Variants in RNF170 observed in about 807,000 individuals in gnomAD.
RNF170 encodes E3 ubiquitin-protein ligase RNF170.
A neutral mutation model predicts 32.7 loss-of-function variants in RNF170; 12 were observed. That is an observed-to-expected ratio of 0.37 (90% CI 0.24 to 0.60). RNF170 has a LOEUF of 0.60. Among genes scored for constraint, RNF170 ranks in the 20% least tolerant of loss-of-function variants. The pLI is 0.72. For missense variants in RNF170, 212 were observed against 311.2 expected (o/e 0.68, Z 2.40); for synonymous variants, 91 against 103.6 (o/e 0.88, Z 0.74).
chr8:42,874,470 G>T (rs1268258849), intron 2 of RNF170, among the ~76,000 whole-genome samples: 1 of 152,198 alleles, frequency 6.6e-6, no homozygotes, highest in Non-Finnish European at 1.5e-5. Context: ...GCCGAGTGTG[G>T]TGGCTCATGC....
In RNF170 at chr8:42,855,856, G is replaced by C; in HGVS notation, c.*303C>G. The C allele has an allele frequency of 8.3e-7, 1 of 1,201,916 alleles. No homozygotes were observed. The highest frequency in any genetic ancestry group is 1.1e-6 in the Non-Finnish European group (1 of 928,170). 74.5% of individuals were successfully genotyped at this position (1,201,916 alleles called of 1,614,324 possible). On this transcript the variant is annotated 3_prime_UTR_variant, in exon 7 of 7. Transcript: ENST00000527424. ...CATCTAATTAATCTAAGTAATTCTG[G>C]GGAAAAGAAAAATATATAAAAGCAT...
At chr8:42,876,682 C>CA (rs2128940674) in intron 2 of RNF170, among the ~76,000 whole-genome samples, 1 of 121,202 alleles carries the variant, frequency 8.3e-6, no homozygotes, top group Non-Finnish European at 1.6e-5. Flanking sequence ...TTTTTTGAGA[C>CA]AGAGTCTTGC....
intron 1 of RNF170, among the ~76,000 whole-genome samples, chr8:42,894,916 G>C (rs1806640117): frequency 6.6e-6 from 1 of 151,824 alleles, no homozygotes; most frequent in African/African-American, 2.4e-5. Flanking sequence ...TTGAAAAAAA[G>C]ACCATTGAGA....
Position 42,853,539 on chromosome 8 carries a change from C to T in RNF170, c.*2620G>A. On this transcript the variant is annotated 3_prime_UTR_variant, in exon 7 of 7. Coordinates refer to ENST00000527424, the MANE Select transcript of RNF170 (RefSeq NM_030954.4). ...ACAGTTGTTTTCCCCGTCTTGTTCC[C>T]CACAGAGCTGCCCAAGTTATTATCT... The T allele has an allele frequency of 7.8e-7, 1 of 1,287,168 alleles. No individual in the cohort carries two copies. Among genetic ancestry groups the T allele is most frequent in the Non-Finnish European group, 1.0e-6 (1 of 988,690 alleles). 79.7% of individuals were successfully genotyped at this position (1,287,168 alleles called of 1,614,324 possible).
intron 1 of RNF170, among the ~76,000 whole-genome samples, chr8:42,893,097 A>G (rs1275629474): frequency 1.3e-5 from 2 of 152,306 alleles, no homozygotes; most frequent in Non-Finnish European, 1.5e-5. Flanking sequence ...TTAAAAATAC[A>G]TTTTTAAAGA....
At chr8:42,894,243 A>G (rs189762020) in intron 1 of RNF170, among the ~76,000 whole-genome samples, 2 of 152,228 alleles carry the variant, frequency 1.3e-5, no homozygotes, top group Non-Finnish European at 2.9e-5. Context: ...GCCAAGCTTG[A>G]AAAAGGAGAC....
In RNF170 at chr8:42,870,021, C is replaced by T. The variant is rs756627330; in HGVS notation, c.305G>A (p.Cys102Tyr). Residue 102 changes from cysteine (C) to tyrosine (Y), a missense_variant, in exon 4 of 7, where the codon TGT becomes TAT. By Grantham distance (194) the Cys-to-Tyr change is radical. Transcript: ENST00000527424. ...TTGCTTACCACAAAAAAGATGTCCA[C>T]AGTTGGTCTCCACCGGGAAGGAGGC... ...HQASFPVETN[C>Y]GHLFCGACII... The T allele has an allele frequency of 6.2e-7, 1 of 1,613,632 alleles. No homozygotes were observed. Among genetic ancestry groups the T allele is most frequent in the South Asian group, 1.1e-5 (1 of 91,076 alleles).
downstream of RNF170, among the ~76,000 whole-genome samples, chr8:42,851,581 G>A (rs1421028395): frequency 8.8e-5 from 13 of 147,320 alleles, no homozygotes; most frequent in Admixed American, 5.4e-4. Context: ...AAAAAAAAAA[G>A]AAAGAAAAAG....
intron 6 of RNF170, among the ~76,000 whole-genome samples, chr8:42,861,104 G>T (rs753029655): frequency 1.3e-5 from 2 of 152,218 alleles, no homozygotes; most frequent in Non-Finnish European, 2.9e-5. Flanking sequence ...GTTTTCAGTT[G>T]TAACTTTTCT....
intron 1 of RNF170, among the ~76,000 whole-genome samples, chr8:42,895,400 G>A (rs1806708509): frequency 6.6e-6 from 1 of 152,136 alleles, no homozygotes; most frequent in Admixed American, 6.5e-5. Context: ...GAAAAAAAGT[G>A]GGGGAAAGGG....
intron 2 of RNF170, among the ~76,000 whole-genome samples, chr8:42,880,358 G>GT (rs371746956): frequency 6.6e-6 from 1 of 152,334 alleles, no homozygotes; most frequent in African/African-American, 2.4e-5. Flanking sequence ...ACTGACTCCA[G>GT]TTTTGAAAAG....
chr8:42,865,455 T>C lies in RNF170; in HGVS notation c.357A>G (p.Ser119=). ...ACIIAYWRYG[S]WLGAISCPIC... ...TTGGACAACTGATTGCCCCAAGCCA[T>C]GAACCATATCGCCAGTAAGCAATAA... The change falls in exon 5 of 7, where the codon TCA becomes TCG. Residue 119 remains serine, a synonymous_variant. Coordinates refer to ENST00000527424, the MANE Select transcript of RNF170 (RefSeq NM_030954.4). The C allele has an allele frequency of 6.2e-7, 1 of 1,613,836 alleles. No individual in the cohort carries two copies. The highest frequency in any genetic ancestry group is 8.5e-7 in the Non-Finnish European group (1 of 1,179,870).
At chr8:42,871,838 C>T (rs199805694) in intron 3 of RNF170, among the ~76,000 whole-genome samples, 40 of 152,098 alleles carry the variant, frequency 2.6e-4, no homozygotes, top group Non-Finnish European at 1.5e-4. Flanking sequence ...GGATTACAGG[C>T]GTGAGCCACT....
intron 6 of RNF170, among the ~76,000 whole-genome samples, chr8:42,859,325 G>C (rs76928366): frequency 6.6e-6 from 1 of 152,038 alleles, no homozygotes; most frequent in South Asian, 2.1e-4. Flanking sequence ...CCAGCACAAT[G>C]TCTACAGTGA....
Position 42,856,328 on chromosome 8 carries a change from A to G in RNF170, c.608T>C (p.Ile203Thr). The G allele has an allele frequency of 6.3e-7, 1 of 1,592,326 alleles. No individual in the cohort carries two copies. Among genetic ancestry groups the G allele is most frequent in the South Asian group, 1.2e-5 (1 of 86,166 alleles). The change falls in exon 7 of 7, where the codon ATA becomes ACA. Residue 203 changes from isoleucine to threonine, a missense_variant. Ile to Thr is a moderately conservative substitution (Grantham distance 89). This residue lies in a region of RNF170 where 97 missense variants were observed against 178.9 expected (regional missense o/e 0.54). Transcript: ENST00000527424. ...GLFWMFRIRI[I>T]LCLMGAFFYL... ...GAAAAAAGCTCCCATTAAACAAAGT[A>G]TTATCCTGATGCGAAACATCCAGAA...
chr8:42,888,786 C>A (rs1198105552), intron 1 of RNF170, among the ~76,000 whole-genome samples: 1 of 141,898 alleles, frequency 7.0e-6, no homozygotes, highest in South Asian at 2.3e-4. Context: ...CACCCCCCAA[C>A]CAAAAACAAT....
chr8:42,856,963 A>G (rs145377913), intron 6 of RNF170, among the ~76,000 whole-genome samples: 2 of 152,356 alleles, frequency 1.3e-5, no homozygotes, highest in East Asian at 3.9e-4. Context: ...AAAAATAACT[A>G]AAAGAGATAC....
intron 2 of RNF170, among the ~76,000 whole-genome samples, chr8:42,885,646 A>AT (rs1448702304): frequency 1.3e-5 from 2 of 152,084 alleles, no homozygotes; most frequent in Non-Finnish European, 2.9e-5. Context: ...TGTGGTTTTA[A>AT]TTTGCATTTC....
intron 2 of RNF170, among the ~76,000 whole-genome samples, chr8:42,877,593 C>T (rs2086676536): frequency 6.6e-6 from 1 of 152,036 alleles, no homozygotes; most frequent in Non-Finnish European, 1.5e-5. Context: ...AAATAAGTGC[C>T]AGAAAACTGA....
Sources: gnomAD v4.1 joint callset for allele counts (sites outside exome capture counted in the v4.1 genomes callset) on GRCh38, gnomAD v4.1.1 for gene constraint, gnomAD v4.1.1 regional missense constraint, MANE v1.5 for transcripts, NCBI Gene and HGNC (gene_info 2026-07-23, HGNC 2026-07-21) for gene names.